Variants in TXNRD1 observed in about 807,000 individuals in gnomAD.
TXNRD1 encodes thioredoxin reductase 1.
Under a neutral mutation model 80.3 loss-of-function variants are expected in TXNRD1, and 57 were observed. The observed-to-expected ratio is 0.71, with a 90% CI of 0.57 to 0.89. TXNRD1 has a LOEUF of 0.89. TXNRD1 is among the 40% of genes least tolerant of loss of function. TXNRD1 has a pLI of 0.00. For missense variants in TXNRD1, 730 were observed against 803.0 expected, an observed-to-expected ratio of 0.91 and a Z score of 1.10; for synonymous variants, 291 against 285.2, an observed-to-expected ratio of 1.02 and a Z score of -0.20.
At chr12:104,271,869 C>CA (rs35994527) in intron 3 of TXNRD1, among the ~76,000 whole-genome samples, 38,295 of 137,898 alleles carry the variant, frequency 0.28, 5,890 homozygotes, top group Non-Finnish European at 0.37. Context: ...GACTCCATCT[C>CA]AAAAAAAAAA....
rs565034966 is a variant in TXNRD1 at position 104,296,538 on chromosome 12, A to G, written c.414+7498A>G. Among the ~76,000 whole-genome samples the G allele has an allele frequency of 5.3e-5, 8 of 152,292 alleles. No individual in the cohort carries two copies. In the South Asian group the frequency reaches 1.7e-3, roughly 32 times the overall value. ...ATCCTCTTGCCTCAGCCGCCTGAGT[A>G]TCTGGGAATACAGGCATGTACCACC... On this transcript the variant is annotated intron_variant, in intron 4 of 16. Transcript: ENST00000525566.
At chr12:104,249,087 C>G (rs1025719196) in intron 1 of TXNRD1, among the ~76,000 whole-genome samples, 2 of 152,214 alleles carry the variant, frequency 1.3e-5, no homozygotes, top group Non-Finnish European at 2.9e-5. Context: ...ATAACATAAA[C>G]TAGGAGGCTT....
chr12:104,334,123 A>G (rs375347595), intron 14 of TXNRD1, 114 bp from the exon 15 acceptor site: 19 of 440,238 alleles, frequency 4.3e-5, no homozygotes, highest in African/African-American at 3.9e-4. Context: ...CATGAATTTT[A>G]TTATTTAATG....
intron 1 of TXNRD1, among the ~76,000 whole-genome samples, chr12:104,228,012 G>T (rs1279827369): frequency 1.3e-5 from 2 of 151,960 alleles, no homozygotes; most frequent in Non-Finnish European, 2.9e-5. Flanking sequence ...TTTAAAAATT[G>T]ATATATAAGG....
intron 4 of TXNRD1, among the ~76,000 whole-genome samples, chr12:104,292,311 G>T (rs553590180): frequency 6.6e-6 from 1 of 152,104 alleles, no homozygotes; most frequent in Non-Finnish European, 1.5e-5. Flanking sequence ...TGGAGTACTC[G>T]TTAATTATGC....
intron 9 of TXNRD1, among the ~76,000 whole-genome samples, chr12:104,320,535 A>G (rs2135829571): frequency 6.6e-6 from 1 of 152,186 alleles, no homozygotes; most frequent in East Asian, 1.9e-4. Flanking sequence ...ATATTTTTTA[A>G]AAACTCATTC....
chr12:104,237,126 AAT>A (rs1179490312), intron 1 of TXNRD1, among the ~76,000 whole-genome samples: 4 of 152,192 alleles, frequency 2.6e-5, no homozygotes, highest in Non-Finnish European at 4.4e-5. Context: ...GTTCCCTCAA[AAT>A]CAAAGGCTCT....
chr12:104,281,102 C>A (rs2033866669), intron 3 of TXNRD1, among the ~76,000 whole-genome samples: 2 of 152,140 alleles, frequency 1.3e-5, no homozygotes, highest in South Asian at 4.1e-4. Context: ...ATGGATTTGT[C>A]CCAAACTATT....
chr12:104,254,040 G>A (rs144700505), intron 2 of TXNRD1, among the ~76,000 whole-genome samples: 4 of 152,178 alleles, frequency 2.6e-5, no homozygotes, highest in East Asian at 3.9e-4. Flanking sequence ...AGTCTTTTTC[G>A]TTACCAAACA....
chr12:104,270,266 G>A (rs2033626146), intron 3 of TXNRD1, among the ~76,000 whole-genome samples: 1 of 152,186 alleles, frequency 6.6e-6, no homozygotes, highest in South Asian at 2.1e-4. Flanking sequence ...GTCTATGGCA[G>A]CTATAGCCTT....
intron 1 of TXNRD1, among the ~76,000 whole-genome samples, chr12:104,242,337 C>T (rs1165626737): frequency 6.6e-6 from 1 of 151,692 alleles, no homozygotes; most frequent in East Asian, 2.0e-4. Flanking sequence ...ATCATGAGGT[C>T]AGGAGTTCGA....
chr12:104,248,913 A>G (rs1383878924), intron 1 of TXNRD1, among the ~76,000 whole-genome samples: 1 of 151,786 alleles, frequency 6.6e-6, no homozygotes, highest in Admixed American at 6.6e-5. Context: ...TCCCCCGCCC[A>G]GGTTCAAGTG....
intron 2 of TXNRD1, among the ~76,000 whole-genome samples, chr12:104,254,644 A>AAAATATATATAT: frequency 8.5e-5 from 8 of 93,634 alleles, no homozygotes; most frequent in African/African-American, 3.1e-4. Context: ...AAAAAAAAAA[A>AAAATATATATAT]ATATATATAT....
At chr12:104,273,310 C>T (rs766721614) in intron 3 of TXNRD1, among the ~76,000 whole-genome samples, 3 of 152,022 alleles carry the variant, frequency 2.0e-5, no homozygotes, top group Admixed American at 6.6e-5. Flanking sequence ...CAAGAATGCT[C>T]GGGCAGGGCG....
intron 2 of TXNRD1, 139 bp downstream of exon 2, chr12:104,251,817 G>A (rs1565862819): frequency 3.3e-6 from 3 of 920,096 alleles, no homozygotes; most frequent in Non-Finnish European, 4.9e-6. Flanking sequence ...TGTAATCCCA[G>A]CACTTTGGGA....
At chr12:104,215,972 C>A in intron 1 of TXNRD1, 79 bp downstream of exon 1, 1 of 1,244,344 alleles carries the variant, frequency 8.0e-7, no homozygotes, top group Non-Finnish European at 1.1e-6. Context: ...GGATAAAGTG[C>A]CCCGGAGCCC....
At chr12:104,307,816 A>G (rs912870623) in intron 4 of TXNRD1, among the ~76,000 whole-genome samples, 9 of 152,144 alleles carry the variant, frequency 5.9e-5, no homozygotes, top group African/African-American at 2.2e-4. Context: ...AGGGATTACT[A>G]TGACAGGCAG....
intron 1 of TXNRD1, among the ~76,000 whole-genome samples, chr12:104,241,807 G>A (rs1315459358): frequency 6.6e-6 from 1 of 151,996 alleles, no homozygotes; most frequent in African/African-American, 2.4e-5. Context: ...TCCCTGTTGG[G>A]ATTACAGGCG....
intron 4 of TXNRD1, chr12:104,304,800 A>AC (rs1263105418): frequency 4.3e-6 from 7 of 1,613,914 alleles, no homozygotes; most frequent in Non-Finnish European, 5.9e-6. Context: ...ATGAATGTTA[A>AC]CCAAATGGGT....
Sources: allele counts gnomAD v4.1 joint callset (sites outside exome capture counted in the v4.1 genomes callset), GRCh38; gene constraint gnomAD v4.1.1; transcripts MANE v1.5; gene names NCBI Gene and HGNC (gene_info 2026-07-23, HGNC 2026-07-21).